The following HYDIN variants were observed in gnomAD, a reference collection of about 807,000 sequenced individuals.
HYDIN encodes the protein HYDIN axonemal central pair apparatus protein.
In HYDIN, 132 loss-of-function variants were observed where a neutral mutation model predicts 403.9. The observed-to-expected ratio is 0.33, with a 90% CI of 0.28 to 0.38. The LOEUF (loss-of-function observed/expected upper bound fraction) is 0.38, where lower values mean the gene tolerates loss of function less well. HYDIN is among the 10% of genes least tolerant of loss of function. The probability of loss-of-function intolerance (pLI) is 1.00; values close to 1 mark genes in which losing one functional copy is unlikely to be tolerated. For synonymous variants in HYDIN, 1,202 were observed against 1,891.7 expected (o/e 0.64, Z 9.46); for missense variants, 2,827 against 5,009.5 (o/e 0.56, Z 13.15).
intron 60 of HYDIN, among the ~76,000 whole-genome samples, chr16:70,881,719 C>T (rs1355483115): frequency 6.6e-6 from 1 of 152,182 alleles, no homozygotes; most frequent in African/African-American, 2.4e-5. Context: ...ATTGACATTC[C>T]CCAGGAATGC....
intron 23 of HYDIN, among the ~76,000 whole-genome samples, chr16:71,014,497 G>A (rs1360878507): frequency 6.6e-6 from 1 of 151,784 alleles, no homozygotes; most frequent in Admixed American, 6.6e-5. Context: ...TTGGTGGCGG[G>A]CATGTGACCA....
At chr16:71,198,219 T>C (rs944990424) in intron 1 of HYDIN, among the ~76,000 whole-genome samples, 1 of 152,222 alleles carries the variant, frequency 6.6e-6, no homozygotes, top group Non-Finnish European at 1.5e-5. Flanking sequence ...TGTATAATAA[T>C]CCACCATTTG....
chr16:70,807,967 G>A lies in HYDIN; in HGVS notation c.14979C>T (p.Pro4993=), dbSNP rs773261787. 2 of 1,614,164 alleles carry A rather than the reference G, an allele frequency of 1.2e-6. No homozygotes were observed. The highest frequency in any genetic ancestry group is 1.7e-6 in the Non-Finnish European group (2 of 1,180,034). The stretch of plus-strand genomic sequence containing the variant: ...TGCCCTTGGTCTCACCCAGGTGGCT[G>A]GGCTCGAATAAGACTTCCACACTGG... ...TEASVEVLFE[P]SHLGETKGIL... is the part of the protein sequence containing the mutation. The change falls in exon 86 of 86, where the codon CCC becomes CCT. Residue 4993 remains proline, a synonymous_variant. Coordinates refer to ENST00000393567, the MANE Select transcript of HYDIN (RefSeq NM_001270974.2).
Position 70,806,121 on chromosome 16 carries a change from G to A in HYDIN, c.*1459C>T, listed in dbSNP as rs956860248. Among the ~76,000 whole-genome samples the A allele has an allele frequency of 3.9e-5, 6 of 152,148 alleles. No individual in the cohort carries two copies. Among genetic ancestry groups the A allele is most frequent in the African/African-American group, 9.7e-5 (4 of 41,426 alleles). ...TTAATAATGGCCCCAAAGCACATGGGTAGTGATGCTGGCATATTATTATAA... is the reference window on the plus strand; with the variant it reads ...TTAATAATGGCCCCAAAGCACATGGATAGTGATGCTGGCATATTATTATAA... On this transcript the variant is annotated 3_prime_UTR_variant, in exon 86 of 86. Coordinates refer to ENST00000393567, the MANE Select transcript of HYDIN (RefSeq NM_001270974.2).
At chr16:71,139,256 G>A (rs1364179198) in intron 7 of HYDIN, among the ~76,000 whole-genome samples, 1 of 152,026 alleles carries the variant, frequency 6.6e-6, no homozygotes, top group Non-Finnish European at 1.5e-5. Flanking sequence ...TAGACACTTG[G>A]TGAAAGAAAC....
chr16:71,064,969 C>T (rs1265259098), intron 15 of HYDIN, 129 bp from the exon 16 acceptor site: 2 of 665,324 alleles, frequency 3.0e-6, no homozygotes, highest in Non-Finnish European at 4.9e-6. Context: ...ACATTAGTCA[C>T]TTTCAAAGCT....
At position 71,073,620 on chromosome 16, in the gene HYDIN, G is replaced by A. The variant is rs201342382; in HGVS notation, c.1739-4118C>T. On this transcript the variant is annotated intron_variant, in intron 13 of 85. Coordinates refer to ENST00000393567, the MANE Select transcript of HYDIN (RefSeq NM_001270974.2). ...TCTCTGTCCACATTATTCAATGGCCGAGTTCAATAAATGCTTGGAGGTTTT... is the reference window on the plus strand; with the variant it reads ...TCTCTGTCCACATTATTCAATGGCCAAGTTCAATAAATGCTTGGAGGTTTT... Among the ~76,000 whole-genome samples, 74 of 152,146 alleles carry A rather than the reference G, an allele frequency of 4.9e-4. No individual in the cohort carries two copies. In the East Asian group the frequency reaches 0.011, roughly 23 times the overall value.
chr16:71,179,889 A>G (rs951427340), intron 3 of HYDIN, among the ~76,000 whole-genome samples: 2 of 152,218 alleles, frequency 1.3e-5, no homozygotes, highest in African/African-American at 4.8e-5. Flanking sequence ...AGACTATCCA[A>G]TGATGCCCTG....
chr16:70,926,524 A>G (rs1307702462), intron 45 of HYDIN, among the ~76,000 whole-genome samples: 1 of 152,082 alleles, frequency 6.6e-6, no homozygotes, highest in African/African-American at 2.4e-5. Context: ...TGACGAGTTA[A>G]TGGGTGCAGC....
chr16:70,822,721 A>AAGACCTT, intron 83 of HYDIN, among the ~76,000 whole-genome samples: 1 of 152,256 alleles, frequency 6.6e-6, no homozygotes, highest in South Asian at 2.1e-4. Context: ...ATCAGTCAGC[A>AAGACCTT]GCCATCAACA....
At chr16:70,893,793 G>T in intron 55 of HYDIN, 1 of 152,002 alleles carries the variant, frequency 6.6e-6, no homozygotes, top group Non-Finnish European at 1.5e-5. Flanking sequence ...CTACAGTGCT[G>T]GGATTACAGG....
At chr16:71,093,139 A>G (rs2083165542) in intron 11 of HYDIN, among the ~76,000 whole-genome samples, 1 of 152,036 alleles carries the variant, frequency 6.6e-6, no homozygotes, top group Non-Finnish European at 1.5e-5. Context: ...TAAAAATACA[A>G]ACATATACAA....
intron 1 of HYDIN, among the ~76,000 whole-genome samples, chr16:71,210,554 G>T (rs1273103563): frequency 6.6e-6 from 1 of 152,008 alleles, no homozygotes; most frequent in Non-Finnish European, 1.5e-5. Context: ...AAGCTTTCAG[G>T]TACTATGCTT....
chr16:70,890,288 C>G (rs1215119322), intron 57 of HYDIN, among the ~76,000 whole-genome samples: 1 of 152,222 alleles, frequency 6.6e-6, no homozygotes, highest in Non-Finnish European at 1.5e-5. Context: ...CAAGCATTCA[C>G]TTGCTTAATG....
intron 18 of HYDIN, among the ~76,000 whole-genome samples, chr16:71,037,797 C>T (rs1264433701): frequency 6.6e-6 from 1 of 152,172 alleles, no homozygotes; most frequent in East Asian, 1.9e-4. Flanking sequence ...CCAAGACTCC[C>T]GAAAGGAATG....
intron 44 of HYDIN, among the ~76,000 whole-genome samples, chr16:70,937,189 C>T (rs2077520866): frequency 6.6e-6 from 1 of 151,452 alleles, no homozygotes; most frequent in Non-Finnish European, 1.5e-5. Context: ...CAAGTTGTTG[C>T]TGCACTTTGA....
chr16:71,026,932 C>A (rs1381877424), intron 20 of HYDIN, among the ~76,000 whole-genome samples: 1 of 152,066 alleles, frequency 6.6e-6, no homozygotes, highest in Non-Finnish European at 1.5e-5. Flanking sequence ...ACAAGGTCTG[C>A]ATTTTGTCGG....
At chr16:70,900,890 T>A (rs1288890264) in intron 53 of HYDIN, 114 bp downstream of exon 53, 3 of 421,360 alleles carry the variant, frequency 7.1e-6, no homozygotes, top group Non-Finnish European at 1.2e-5. Context: ...GGGGATCAGA[T>A]AGGAGCATGT....
chr16:70,972,838 A>G (rs1006754874), intron 35 of HYDIN, among the ~76,000 whole-genome samples: 1 of 152,250 alleles, frequency 6.6e-6, no homozygotes. Context: ...GTTGTTGGCA[A>G]TGTTTGACTC....
Sources: gnomAD v4.1 joint callset for allele counts (sites outside exome capture counted in the v4.1 genomes callset) on GRCh38, gnomAD v4.1.1 for gene constraint, MANE v1.5 for transcripts, NCBI Gene and HGNC (gene_info 2026-07-23, HGNC 2026-07-21) for gene names.